The following CUX1 variants were observed in gnomAD, a reference collection of about 807,000 sequenced individuals.
The protein encoded by CUX1 is protein CASP.
Under a neutral mutation model 158.8 loss-of-function variants are expected in CUX1, and 31 were observed. That is an observed-to-expected ratio of 0.20 (90% CI 0.15 to 0.26). The LOEUF is 0.26. Among genes scored for constraint, CUX1 ranks in the 10% least tolerant of loss-of-function variants. The pLI, the probability that CUX1 is intolerant of heterozygous loss-of-function variation, is 1.00. For missense variants in CUX1, 1,589 were observed against 2,014.6 expected (o/e 0.79, Z 4.04); for synonymous variants, 879 against 862.1 (o/e 1.02, Z -0.34).
rs1278111348 is a variant in CUX1, at chr7:102,275,318, C to T, written c.1522C>T (p.Gln508Ter). ...TTCACTGCTTTCCATCATCTCCAGC[C>T]AGAGGGAGCGCTTCCGTGCCCGGAA... The change falls in exon 17 of 23, where the codon CAG (glutamine) becomes TAG (stop). Residue 508 changes from glutamine to a stop codon, truncating the protein, a stop_gained. Transcript: ENST00000292538. LOFTEE classifies it high-confidence loss of function. 6.2e-7 allele frequency: 1 copy of T among 1,612,926 alleles called. No individual in the cohort carries two copies. The highest frequency in any genetic ancestry group is 8.5e-7 in the Non-Finnish European group (1 of 1,179,458).
intron 2 of CUX1, among the ~76,000 whole-genome samples, chr7:101,995,412 T>C (rs1414339360): frequency 6.6e-6 from 1 of 152,230 alleles, no homozygotes. Context: ...CTCCTTCTTA[T>C]AAAACAGTAC....
intron 18 of CUX1, among the ~76,000 whole-genome samples, 194 bp from the exon 19 acceptor site, chr7:102,204,197 G>A (rs994769337): frequency 2.6e-5 from 4 of 152,188 alleles, no homozygotes; most frequent in Admixed American, 2.0e-4. Context: ...CCCCTGTGCC[G>A]GGGTCTCAGC....
At chr7:102,216,736 CCA>C (rs1254660761) in intron 20 of CUX1, among the ~76,000 whole-genome samples, 3 of 135,950 alleles carry the variant, frequency 2.2e-5, no homozygotes, top group Admixed American at 7.4e-5. Context: ...ACACAGAGTC[CCA>C]CACACACTTC....
rs112586152 is a variant in CUX1 at position 102,054,243 on chromosome 7, A to T, written c.190-16096A>T. Among the ~76,000 whole-genome samples the T allele has an allele frequency of 3.8e-4, 58 of 152,338 alleles. 1 individual carries two copies. Among genetic ancestry groups the T allele is most frequent in the African/African-American group, 1.3e-3 (53 of 41,590 alleles). The stretch of plus-strand genomic sequence containing the variant: ...AGAAACCATTGCCTAATCCAAGGTC[A>T]TAAAGGTTTACACCTGTGTTTTCTT... On this transcript the variant is annotated intron_variant, in intron 3 of 23. Transcript: ENST00000292535.
intron 13 of CUX1, 84 bp downstream of exon 13, chr7:102,193,974 A>G: frequency 7.4e-7 from 1 of 1,355,524 alleles, no homozygotes; most frequent in South Asian, 1.2e-5. Flanking sequence ...CCCATGATCC[A>G]CTGTTTCTAC....
intron 1 of CUX1, among the ~76,000 whole-genome samples, chr7:101,826,936 T>A (rs1793369902): frequency 6.6e-6 from 1 of 152,172 alleles, no homozygotes; most frequent in Admixed American, 6.5e-5. Flanking sequence ...AATTAATTCT[T>A]TTTTTTAATA....
intron 3 of CUX1, among the ~76,000 whole-genome samples, chr7:102,035,047 C>T (rs1435807166): frequency 2.2e-5 from 3 of 139,476 alleles, no homozygotes; most frequent in African/African-American, 8.1e-5. Context: ...CAGAAACATA[C>T]ATTAATCATC....
chr7:102,032,029 G>A (rs1490996468), intron 3 of CUX1, among the ~76,000 whole-genome samples: 8 of 151,562 alleles, frequency 5.3e-5, no homozygotes, highest in Admixed American at 3.3e-4. Context: ...TGGCTCAAGC[G>A]ATTTGCCCAC....
intron 1 of CUX1, among the ~76,000 whole-genome samples, chr7:101,907,163 C>T (rs546687172): frequency 3.3e-5 from 5 of 152,206 alleles, no homozygotes; most frequent in Admixed American, 6.5e-5. Context: ...AAAACATGAA[C>T]GTTCACTTTG....
chr7:102,249,099 C>T lies in CUX1; in HGVS notation c.*57C>T. The stretch of plus-strand genomic sequence containing the variant: ...TGGGCCGCAAGGGCCTGGACGGGGT[C>T]GGACGGGGCAGGCGCTGCGGACACC... On this transcript the variant is annotated 3_prime_UTR_variant, in exon 24 of 24. Coordinates refer to ENST00000292535, the MANE Select transcript of CUX1 (RefSeq NM_181552.4). 5 of 1,208,190 alleles carry T rather than the reference C, an allele frequency of 4.1e-6. No individual in the cohort carries two copies. The highest frequency in any genetic ancestry group is 5.2e-6 in the Non-Finnish European group (5 of 967,776). 74.8% of individuals were successfully genotyped at this position (1,208,190 alleles called of 1,614,324 possible).
chr7:102,276,616 A>G (rs1791626136), intron 17 of CUX1, among the ~76,000 whole-genome samples: 1 of 152,162 alleles, frequency 6.6e-6, no homozygotes, highest in Non-Finnish European at 1.5e-5. Flanking sequence ...TTGAATTTTG[A>G]ATAGTGTGAA....
chr7:102,104,724 T>A (rs1830154430), intron 6 of CUX1, among the ~76,000 whole-genome samples: 1 of 151,856 alleles, frequency 6.6e-6, no homozygotes, highest in Admixed American at 6.6e-5. Flanking sequence ...ACCCCGTCTC[T>A]ACTAAAAAAT....
chr7:102,213,246 G>A (rs1796728496), intron 20 of CUX1, among the ~76,000 whole-genome samples: 1 of 152,226 alleles, frequency 6.6e-6, no homozygotes, highest in Non-Finnish European at 1.5e-5. Context: ...CCGCAGTCCT[G>A]TGAGAGGTGA....
chr7:102,186,042 G>A (rs1563370758), intron 11 of CUX1, among the ~76,000 whole-genome samples: 1 of 152,190 alleles, frequency 6.6e-6, no homozygotes, highest in Non-Finnish European at 1.5e-5. Flanking sequence ...GAGACATTGG[G>A]AAACTGGCGT....
intron 1 of CUX1, among the ~76,000 whole-genome samples, chr7:101,830,599 T>C (rs922314774): frequency 6.6e-6 from 1 of 151,870 alleles, no homozygotes; most frequent in Admixed American, 6.6e-5. Context: ...ACCACAGGTG[T>C]GCCCCACCAT....
At chr7:102,060,722 C>T (rs1443881568) in intron 3 of CUX1, among the ~76,000 whole-genome samples, 3 of 151,260 alleles carry the variant, frequency 2.0e-5, no homozygotes, top group African/African-American at 7.3e-5. Flanking sequence ...AAGCAATTCT[C>T]CTGCCTCAGC....
At chr7:101,909,214 C>T (rs1177021138) in intron 1 of CUX1, among the ~76,000 whole-genome samples, 2 of 142,870 alleles carry the variant, frequency 1.4e-5, no homozygotes, top group Non-Finnish European at 3.1e-5. Flanking sequence ...TTTGGGAGGC[C>T]GAGGCGGGAG....
Position 102,201,603 on chromosome 7 carries a change from C to T in CUX1, c.2306C>T (p.Ala769Val). ...GCCATCTCCCTGAAGAAGCCCTCCG[C>T]AGCTCCTGAGGCCGGTGCCTCTGCT... Reference protein sequence around the residue: ...PLAISLKKPSAAPEAGASALP... With the variant: ...PLAISLKKPSVAPEAGASALP... The change falls in exon 18 of 24, where the codon GCA becomes GTA. Residue 769 changes from alanine to valine, a missense_variant. Physicochemically the swap from Ala to Val is moderately conservative, Grantham distance 64. Coordinates refer to ENST00000292535, the MANE Select transcript of CUX1 (RefSeq NM_181552.4). This position sits in a 1 kb window ranked among gnomAD's most constrained non-coding sequence, Gnocchi z 5.0. The T allele has an allele frequency of 6.2e-7, 1 of 1,614,082 alleles. No individual in the cohort carries two copies. Among genetic ancestry groups the T allele is most frequent in the Non-Finnish European group, 8.5e-7 (1 of 1,180,016 alleles).
intron 2 of CUX1, among the ~76,000 whole-genome samples, chr7:102,018,272 C>A (rs1427304941): frequency 6.6e-6 from 1 of 152,190 alleles, no homozygotes; most frequent in Non-Finnish European, 1.5e-5. Flanking sequence ...GAGGTTTCGA[C>A]ATGAGCAGTT....
Sources: allele counts gnomAD v4.1 joint callset (sites outside exome capture counted in the v4.1 genomes callset), GRCh38; gene constraint gnomAD v4.1.1; non-coding constraint Gnocchi (gnomAD v3.1); transcripts MANE v1.5; gene names NCBI Gene and HGNC (gene_info 2026-07-23, HGNC 2026-07-21).